Variants in RETREG1 observed in about 807,000 individuals in gnomAD.
RETREG1 encodes the protein reticulophagy regulator 1, also known as family with sequence similarity 134 member B.
In RETREG1, 44 loss-of-function variants were observed where a neutral mutation model predicts 54.8. That is an observed-to-expected ratio of 0.80 (90% CI 0.63 to 1.03). The LOEUF (loss-of-function observed/expected upper bound fraction) is 1.03, where lower values mean the gene tolerates loss of function less well. RETREG1 is among the 50% of genes least tolerant of loss of function. RETREG1 has a pLI of 0.00. For synonymous variants in RETREG1, 217 were observed against 238.5 expected (o/e 0.91, Z 0.83); for missense variants, 554 against 605.1 (o/e 0.92, Z 0.89).
At chr5:16,610,811 C>T (rs966866077) in intron 1 of RETREG1, among the ~76,000 whole-genome samples, 2 of 152,150 alleles carry the variant, frequency 1.3e-5, no homozygotes. Flanking sequence ...GTTGGTGGGA[C>T]TGTAAACTAG....
chr5:16,605,934 T>C (rs1219015009), intron 1 of RETREG1, among the ~76,000 whole-genome samples: 1 of 152,174 alleles, frequency 6.6e-6, no homozygotes, highest in African/African-American at 2.4e-5. Flanking sequence ...GGTCTCAACA[T>C]ATGAAATTTA....
chr5:16,594,915 C>A lies in RETREG1; in HGVS notation c.320+21737G>T, dbSNP rs930140517. On this transcript the variant is annotated intron_variant, in intron 1 of 8. Coordinates refer to ENST00000306320, the MANE Select transcript of RETREG1 (RefSeq NM_001034850.3). This position sits in a 1 kb window ranked among gnomAD's most constrained non-coding sequence, Gnocchi z 4.4. ...ATGCCAGGAAGACATACATTCATTT[C>A]TAAAACAATGAAGAAAGAGATGAAG... is the stretch of plus-strand genomic sequence containing the variant. Among the ~76,000 whole-genome samples, 2 of 152,176 alleles carry A rather than the reference C, an allele frequency of 1.3e-5. No homozygotes were observed. Among genetic ancestry groups the A allele is most frequent in the East Asian group, 3.9e-4 (2 of 5,188 alleles).
chr5:16,538,324 TC>T (rs1741134323), intron 3 of RETREG1, among the ~76,000 whole-genome samples: 2 of 152,274 alleles, frequency 1.3e-5, no homozygotes, highest in South Asian at 4.2e-4. Flanking sequence ...TGCTCCTGGC[TC>T]CCCTTGGAGT....
intron 1 of RETREG1, among the ~76,000 whole-genome samples, chr5:16,573,989 C>T (rs1313544506): frequency 2.6e-5 from 4 of 152,072 alleles, no homozygotes; most frequent in African/African-American, 7.2e-5. Context: ...TCAGGTGATC[C>T]GCCGGCCTTG....
intron 1 of RETREG1, among the ~76,000 whole-genome samples, chr5:16,572,950 C>T (rs1476504771): frequency 1.3e-5 from 2 of 151,872 alleles, no homozygotes; most frequent in Non-Finnish European, 2.9e-5. Context: ...TTTGGGAGGC[C>T]GAGGCAGGCG....
At chr5:16,535,892 C>A (rs912101091) in intron 3 of RETREG1, among the ~76,000 whole-genome samples, 1 of 140,582 alleles carries the variant, frequency 7.1e-6, no homozygotes, top group African/African-American at 2.7e-5. Context: ...CCTGTGTGCA[C>A]GCTGCCTTCA....
intron 1 of RETREG1, among the ~76,000 whole-genome samples, chr5:16,605,453 A>G (rs1206337091): frequency 6.6e-6 from 1 of 152,186 alleles, no homozygotes. Flanking sequence ...GTCCTTTGGA[A>G]TACCCACCCA....
chr5:16,537,732 G>A (rs1455912977), intron 3 of RETREG1, among the ~76,000 whole-genome samples: 1 of 151,248 alleles, frequency 6.6e-6, no homozygotes. Flanking sequence ...GTGAGGTATG[G>A]ATGTTGGGGT....
chr5:16,570,365 A>T (rs905037527), intron 2 of RETREG1, among the ~76,000 whole-genome samples: 4 of 152,234 alleles, frequency 2.6e-5, no homozygotes, highest in African/African-American at 9.6e-5. Flanking sequence ...GTGAGGGGCC[A>T]GGAGTGAGAA....
chr5:16,561,694 G>A lies in RETREG1; in HGVS notation c.458+4069C>T, dbSNP rs531025212. On this transcript the variant is annotated intron_variant, in intron 3 of 8. Transcript: ENST00000306320. The surrounding 1 kb of genome is among the most constrained non-coding windows in gnomAD (Gnocchi z 4.2). Reference sequence around the variant, plus strand: ...TAACAGTTAGCAAAGTATGTCCTTCGGTTCTGCTGTGCTAATATTTTTTCC... The same window carrying A: ...TAACAGTTAGCAAAGTATGTCCTTCAGTTCTGCTGTGCTAATATTTTTTCC... 7.2e-5 allele frequency among the ~76,000 whole-genome samples: 11 copies of A among 152,180 alleles called. No individual in the cohort carries two copies. Among genetic ancestry groups the A allele is most frequent in the South Asian group, 2.1e-4 (1 of 4,816 alleles).
chr5:16,547,213 G>A (rs982658235), intron 3 of RETREG1, among the ~76,000 whole-genome samples: 102 of 152,180 alleles, frequency 6.7e-4, no homozygotes, highest in African/African-American at 2.4e-3. Flanking sequence ...GTCAGAGACC[G>A]ACAGGGTGAC....
In RETREG1 at chr5:16,610,581, TC is replaced by T. The variant is rs201488632; in HGVS notation, c.320+6070del. Among the ~76,000 whole-genome samples the T allele has an allele frequency of 7.2e-3, 1,087 of 151,968 alleles. 12 individuals are homozygous for T. Among genetic ancestry groups the T allele is most frequent in the African/African-American group, 0.024 (1,013 of 41,410 alleles). Reference sequence around the variant, plus strand: ...TACAAGAACAAATCGAACAACCCCATCAAAAAGTGGGCGAAGGATATGAACA... The same window carrying T: ...TACAAGAACAAATCGAACAACCCCATAAAAAGTGGGCGAAGGATATGAACA... On this transcript the variant is annotated intron_variant, in intron 1 of 8. Coordinates refer to ENST00000306320, the MANE Select transcript of RETREG1 (RefSeq NM_001034850.3).
rs535433952 is a variant in RETREG1, at chr5:16,564,853, T to C, written c.458+910A>G. Among the ~76,000 whole-genome samples, 5 of 152,228 alleles carry C rather than the reference T, an allele frequency of 3.3e-5. No homozygotes were observed. The South Asian group carries it at 6.2e-4, about 19-fold the overall frequency. ...ACCTTTCCAGCTGAAATAAGCCTTA[T>C]TTGCATAAGCACAGCTTCCAAAGGT... is the stretch of plus-strand genomic sequence containing the variant. On this transcript the variant is annotated intron_variant, in intron 3 of 8. Transcript: ENST00000306320.
intron 2 of RETREG1, among the ~76,000 whole-genome samples, chr5:16,567,625 C>T (rs1173828520): frequency 6.6e-6 from 1 of 152,158 alleles, no homozygotes; most frequent in African/African-American, 2.4e-5. Context: ...ACTGAGCCCT[C>T]CTCCCACAGC....
At chr5:16,555,839 T>A (rs1741690304) in intron 3 of RETREG1, among the ~76,000 whole-genome samples, 1 of 152,374 alleles carries the variant, frequency 6.6e-6, no homozygotes, top group Admixed American at 6.5e-5. Flanking sequence ...TCTTAATTTG[T>A]ATTCATATAA....
At chr5:16,609,455 C>A (rs1046759928) in intron 1 of RETREG1, among the ~76,000 whole-genome samples, 1 of 152,166 alleles carries the variant, frequency 6.6e-6, no homozygotes. Flanking sequence ...TTTTAAGAGT[C>A]TAACAACCAG....
intron 5 of RETREG1, among the ~76,000 whole-genome samples, chr5:16,479,446 T>C (rs915508537): frequency 2.6e-5 from 4 of 152,140 alleles, no homozygotes; most frequent in Admixed American, 2.0e-4. Flanking sequence ...GGAAAGTTAT[T>C]AGCCTCTCAT....
chr5:16,490,911 G>T (rs971445263), intron 3 of RETREG1, among the ~76,000 whole-genome samples: 4 of 152,160 alleles, frequency 2.6e-5, no homozygotes, highest in Admixed American at 1.3e-4. Context: ...AAGCGGCTTT[G>T]GTTCCCAGGT....
intron 8 of RETREG1, 21 bp from the exon 9 acceptor site, chr5:16,475,255 G>A: frequency 6.2e-7 from 1 of 1,607,846 alleles, no homozygotes; most frequent in South Asian, 1.1e-5. Context: ...GATAACAGAA[G>A]TTCAGACTGA....
Sources: allele counts gnomAD v4.1 joint callset (sites outside exome capture counted in the v4.1 genomes callset), GRCh38; gene constraint gnomAD v4.1.1; non-coding constraint Gnocchi (gnomAD v3.1); transcripts MANE v1.5; gene names NCBI Gene and HGNC (gene_info 2026-07-23, HGNC 2026-07-21).